Variants in KIAA1328 observed in about 807,000 individuals in gnomAD.
The protein encoded by KIAA1328 is protein hinderin.
In KIAA1328, 52 loss-of-function variants were observed where a neutral mutation model predicts 68.1. The ratio of observed to expected loss-of-function variants is 0.76; its 90% CI spans 0.61 to 0.96. KIAA1328 has a LOEUF of 0.96. KIAA1328 is among the 40% of genes least tolerant of loss of function. The pLI, the probability that KIAA1328 is intolerant of heterozygous loss-of-function variation, is 0.00. For synonymous variants in KIAA1328, 232 were observed against 239.4 expected (o/e 0.97, Z 0.28); for missense variants, 641 against 677.6 (o/e 0.95, Z 0.60).
At chr18:37,127,545 CA>C (rs1247079744) in intron 7 of KIAA1328, among the ~76,000 whole-genome samples, 1 of 151,820 alleles carries the variant, frequency 6.6e-6, no homozygotes, top group Non-Finnish European at 1.5e-5. Flanking sequence ...CCTATCTCTA[CA>C]AAAAACAAAA....
At chr18:37,105,430 A>C (rs1017245756) in intron 7 of KIAA1328, among the ~76,000 whole-genome samples, 1 of 148,308 alleles carries the variant, frequency 6.7e-6, no homozygotes, top group Non-Finnish European at 1.5e-5. Flanking sequence ...CTTCGAAGTT[A>C]TAGTAAGCTA....
chr18:36,888,243 A>T (rs2048567057), intron 5 of KIAA1328, among the ~76,000 whole-genome samples: 1 of 152,146 alleles, frequency 6.6e-6, no homozygotes. Context: ...TCATTCCTTT[A>T]TGTATTGTCC....
intron 5 of KIAA1328, among the ~76,000 whole-genome samples, chr18:36,887,224 G>A (rs1297806748): frequency 6.6e-6 from 1 of 150,996 alleles, no homozygotes; most frequent in African/African-American, 2.4e-5. Context: ...TTAAAGGAAT[G>A]CTGTTTAGTC....
intron 7 of KIAA1328, among the ~76,000 whole-genome samples, chr18:37,103,627 A>C (rs906361929): frequency 6.6e-6 from 1 of 152,226 alleles, no homozygotes; most frequent in African/African-American, 2.4e-5. Flanking sequence ...TTAAAATCAC[A>C]GACAACAAAA....
chr18:36,956,634 T>G lies in KIAA1328; in HGVS notation c.449-2674T>G, dbSNP rs72888936. ...CTACCTGTTTTTATATTCTCCCACA[T>G]AGCATGTGTTTAAATGAATTTGCCT... On this transcript the variant is annotated intron_variant, in intron 5 of 9. Transcript: ENST00000280020. Among the ~76,000 whole-genome samples, 768 of 152,066 alleles carry G rather than the reference T, an allele frequency of 5.1e-3. 5 individuals carry two copies. Among genetic ancestry groups the G allele is most frequent in the Non-Finnish European group, 7.9e-3 (537 of 67,964 alleles).
intron 5 of KIAA1328, among the ~76,000 whole-genome samples, chr18:36,889,596 A>G (rs919613328): frequency 8.5e-5 from 13 of 152,190 alleles, no homozygotes; most frequent in South Asian, 4.1e-4. Context: ...TCCCTTGGGA[A>G]AGTTACTGAA....
chr18:37,072,736 A>C (rs1320100862), intron 7 of KIAA1328, among the ~76,000 whole-genome samples: 1 of 152,070 alleles, frequency 6.6e-6, no homozygotes, highest in Non-Finnish European at 1.5e-5. Flanking sequence ...GGTTTGCTGC[A>C]CATACTGACC....
chr18:36,953,435 T>C (rs1352369389), intron 5 of KIAA1328, among the ~76,000 whole-genome samples: 1 of 149,842 alleles, frequency 6.7e-6, no homozygotes, highest in Admixed American at 6.7e-5. Context: ...TAGATAGATA[T>C]ATAAATGTAT....
chr18:36,841,508 G>A (rs1231231700), intron 3 of KIAA1328, among the ~76,000 whole-genome samples: 1 of 151,922 alleles, frequency 6.6e-6, no homozygotes, highest in African/African-American at 2.4e-5. Flanking sequence ...TAGATATGTG[G>A]CCTTTCCTCA....
intron 9 of KIAA1328, among the ~76,000 whole-genome samples, chr18:37,204,562 A>G (rs1338749317): frequency 1.3e-5 from 2 of 152,224 alleles, no homozygotes; most frequent in Non-Finnish European, 1.5e-5. Context: ...GCATTTGTAA[A>G]TGGAACAGGC....
At chr18:36,949,776 G>C (rs2151221277) in intron 5 of KIAA1328, among the ~76,000 whole-genome samples, 1 of 152,212 alleles carries the variant, frequency 6.6e-6, no homozygotes, top group South Asian at 2.1e-4. Context: ...TGGGTCACTT[G>C]AGTCTTGTTT....
At chr18:36,840,193 G>A (rs568033869) in intron 3 of KIAA1328, among the ~76,000 whole-genome samples, 1 of 152,102 alleles carries the variant, frequency 6.6e-6, no homozygotes, top group Non-Finnish European at 1.5e-5. Flanking sequence ...TGTAGGGCTC[G>A]CCTTGTTTGT....
intron 5 of KIAA1328, among the ~76,000 whole-genome samples, chr18:36,897,988 G>T (rs1428522891): frequency 2.0e-5 from 3 of 151,908 alleles, no homozygotes; most frequent in African/African-American, 7.2e-5. Context: ...AATGAAATAA[G>T]AAGCCAATAG....
At chr18:37,170,872 A>C (rs893971515) in intron 8 of KIAA1328, among the ~76,000 whole-genome samples, 2 of 152,190 alleles carry the variant, frequency 1.3e-5, no homozygotes, top group African/African-American at 4.8e-5. Flanking sequence ...AATTTCTAAA[A>C]AAGGTAAAAC....
chr18:37,204,381 T>C (rs1006841698), intron 9 of KIAA1328, among the ~76,000 whole-genome samples: 2 of 152,226 alleles, frequency 1.3e-5, no homozygotes, highest in African/African-American at 4.8e-5. Flanking sequence ...TTGGGCTTAT[T>C]TATGAATGCT....
chr18:36,980,111 G>T (rs539358011), intron 6 of KIAA1328, among the ~76,000 whole-genome samples: 31 of 152,314 alleles, frequency 2.0e-4, no homozygotes, highest in African/African-American at 7.0e-4. Context: ...GCAGAGAGCA[G>T]CCCTTACTGA....
chr18:37,063,338 G>A (rs1281722327), intron 6 of KIAA1328, among the ~76,000 whole-genome samples: 1 of 152,152 alleles, frequency 6.6e-6, no homozygotes, highest in Non-Finnish European at 1.5e-5. Context: ...GTGGGGTGGG[G>A]GATGAGGGAG....
chr18:37,116,220 A>T (rs1488721853), intron 7 of KIAA1328, among the ~76,000 whole-genome samples: 1 of 152,228 alleles, frequency 6.6e-6, no homozygotes, highest in Non-Finnish European at 1.5e-5. Context: ...CTAAGCCAAA[A>T]GAACAAAGCT....
intron 4 of KIAA1328, among the ~76,000 whole-genome samples, chr18:36,852,868 T>G (rs2047258515): frequency 6.6e-6 from 1 of 152,202 alleles, no homozygotes; most frequent in South Asian, 2.1e-4. Context: ...TTCTTATTCT[T>G]CTTCTGTCTG....
Sources: gnomAD v4.1 joint callset for allele counts (sites outside exome capture counted in the v4.1 genomes callset) on GRCh38, gnomAD v4.1.1 for gene constraint, MANE v1.5 for transcripts, NCBI Gene and HGNC (gene_info 2026-07-23, HGNC 2026-07-21) for gene names.